Variants in D2HGDH observed in about 807,000 individuals in gnomAD.
The protein encoded by D2HGDH is D-2-hydroxyglutarate dehydrogenase, also known as D-2-hydroxyglutarate dehydrogenase, mitochondrial.
D2HGDH carries 31 observed loss-of-function variants against 46.9 expected under a neutral mutation model. That is an observed-to-expected ratio of 0.66 (90% CI 0.50 to 0.89). D2HGDH has a LOEUF of 0.89. Ranked by LOEUF, D2HGDH falls within the 40% of genes least tolerant of loss-of-function variation. D2HGDH has a pLI of 0.00. For synonymous variants in D2HGDH, 364 were observed against 332.6 expected (o/e 1.09, Z -1.03); for missense variants, 698 against 720.8 (o/e 0.97, Z 0.36).
chr2:241,765,251 TCTGC>T, intron 9 of D2HGDH, among the ~76,000 whole-genome samples: 1 of 152,260 alleles, frequency 6.6e-6, no homozygotes, highest in Admixed American at 6.5e-5. Context: ...GTGGCCGCTC[TCTGC>T]CTGGGGAGAT....
At chr2:241,735,074 A>G (rs2124990903) in intron 1 of D2HGDH, 59 bp from the exon 2 acceptor site, 1 of 858,798 alleles carries the variant, frequency 1.2e-6, no homozygotes, top group East Asian at 3.2e-5. Flanking sequence ...TGCTTCTGCA[A>G]GCGTGTTTCA....
At chr2:241,740,030 A>G (rs1020552514) in intron 2 of D2HGDH, among the ~76,000 whole-genome samples, 2 of 152,182 alleles carry the variant, frequency 1.3e-5, no homozygotes, top group African/African-American at 2.4e-5. Flanking sequence ...CTGTAGTCCC[A>G]GCTGCTTGGG....
intron 8 of D2HGDH, among the ~76,000 whole-genome samples, chr2:241,753,638 G>T (rs1236357699): frequency 3.3e-5 from 5 of 152,234 alleles, no homozygotes; most frequent in Non-Finnish European, 1.5e-5. Flanking sequence ...CCCTGCCCAG[G>T]CCCCGCTGTA....
Position 241,767,703 on chromosome 2 carries a change from C to T in D2HGDH, c.1307-7C>T. On this transcript the variant is annotated splice_region_variant and splice_polypyrimidine_tract_variant and intron_variant, in intron 9 of 9. Coordinates refer to ENST00000321264, the MANE Select transcript of D2HGDH (RefSeq NM_152783.5). ...CCAGCCTGACCCATGTGCCCTTGTCCCTCCAGGAGATGGTAACCTGCACCT... is the reference window on the plus strand; with the variant it reads ...CCAGCCTGACCCATGTGCCCTTGTCTCTCCAGGAGATGGTAACCTGCACCT... 1.2e-6 allele frequency: 2 copies of T among 1,612,652 alleles called. No individual in the cohort carries two copies. The highest frequency in any genetic ancestry group is 8.5e-7 in the Non-Finnish European group (1 of 1,179,506).
chr2:241,735,481 A>C lies in D2HGDH; in HGVS notation c.257A>C (p.Gln86Pro). The change falls in exon 2 of 10, where the codon CAG (glutamine) becomes CCG (proline). Residue 86 changes from glutamine (Q) to proline (P), a missense_variant. Coordinates refer to ENST00000321264, the MANE Select transcript of D2HGDH (RefSeq NM_152783.5). The stretch of plus-strand genomic sequence containing the variant: ...GTCGTCACGGACCCGGAAGCGCTGC[A>C]GGCTCCCAACGTGGACTGGTTGCGG... ...GGVVTDPEAL[Q>P]APNVDWLRTL... The C allele has an allele frequency of 6.2e-7, 1 of 1,608,720 alleles. No individual in the cohort carries two copies. Among genetic ancestry groups the C allele is most frequent in the Non-Finnish European group, 8.5e-7 (1 of 1,179,754 alleles).
At chr2:241,758,757 G>C (rs140576009) in intron 9 of D2HGDH, among the ~76,000 whole-genome samples, 1 of 135,726 alleles carries the variant, frequency 7.4e-6, no homozygotes, top group African/African-American at 2.7e-5. Context: ...ACCGCCCCCC[G>C]CCCCACAATA....
At position 241,740,293 on chromosome 2, in the gene D2HGDH, C is replaced by T. The variant is rs529245193; in HGVS notation, c.293-740C>T. On this transcript the variant is annotated intron_variant, in intron 2 of 9. Coordinates refer to ENST00000321264, the MANE Select transcript of D2HGDH (RefSeq NM_152783.5). Reference sequence around the variant, plus strand: ...AACAGGATGTCCACATAGTCTCAAGCGTCTGCTTGTGAGGTGCACACACAT... The same window carrying T: ...AACAGGATGTCCACATAGTCTCAAGTGTCTGCTTGTGAGGTGCACACACAT... Among the ~76,000 whole-genome samples the T allele has an allele frequency of 7.9e-5, 12 of 152,300 alleles. No individual in the cohort carries two copies. In the East Asian group the frequency reaches 1.9e-3, roughly 24 times the overall value.
chr2:241,749,780 T>G, intron 6 of D2HGDH: 1 of 356,972 alleles, frequency 2.8e-6, no homozygotes, highest in South Asian at 2.1e-5. Context: ...TCCCTCCTGA[T>G]CTGATGCTGG....
chr2:241,741,104 T>C lies in D2HGDH; in HGVS notation c.350+14T>C. 11 of 1,612,096 alleles carry C rather than the reference T, an allele frequency of 6.8e-6. No individual in the cohort carries two copies. Among genetic ancestry groups the C allele is most frequent in the Non-Finnish European group, 9.3e-6 (11 of 1,179,364 alleles). On this transcript the variant is annotated intron_variant, in intron 3 of 9. Transcript: ENST00000321264. The stretch of plus-strand genomic sequence containing the variant: ...CCACATCCTCAGGTGAGGTGGTGGC[T>C]CCCGGCTCCCCCAGCCTTCCCTGTT...
intron 9 of D2HGDH, among the ~76,000 whole-genome samples, chr2:241,763,452 T>A (rs1318387775): frequency 1.3e-5 from 2 of 151,982 alleles, no homozygotes; most frequent in African/African-American, 4.8e-5. Context: ...GGGGTGCCCA[T>A]CACGAGTGGG....
chr2:241,740,174 A>G (rs113564320), intron 2 of D2HGDH, among the ~76,000 whole-genome samples: 249 of 152,344 alleles, frequency 1.6e-3, no homozygotes, highest in African/African-American at 5.6e-3. Flanking sequence ...GTAGGTGGAC[A>G]GATGGATTTA....
intron 5 of D2HGDH, 136 bp from the exon 6 acceptor site, chr2:241,744,573 G>C (rs146989828): frequency 9.1e-7 from 1 of 1,094,386 alleles, no homozygotes; most frequent in African/African-American, 1.6e-5. Context: ...GGTGTCACTC[G>C]TACAGGAGGA....
chr2:241,746,352 T>C (rs1163321008), intron 6 of D2HGDH, among the ~76,000 whole-genome samples: 3 of 152,336 alleles, frequency 2.0e-5, no homozygotes, highest in East Asian at 1.9e-4. Flanking sequence ...CCTCCGTCCA[T>C]TGAGTTTTAC....
rs745695872 is a variant in D2HGDH at position 241,735,429 on chromosome 2, G to T, written c.205G>T (p.Ala69Ser). ...CACGGTGTCTAAGCAGGACCTGGCC[G>T]CCTTTGAGCGCATCGTGCCCGGCGG... ...FSTVSKQDLA[A>S]FERIVPGGVV... The change falls in exon 2 of 10, where the codon GCC (alanine) becomes TCC (serine). Residue 69 changes from alanine (A) to serine (S), a missense_variant. Ala to Ser is a moderately conservative substitution (Grantham distance 99). Coordinates refer to ENST00000321264, the MANE Select transcript of D2HGDH (RefSeq NM_152783.5). 1 of 1,608,312 alleles carries T rather than the reference G, an allele frequency of 6.2e-7. No individual in the cohort carries two copies. The highest frequency in any genetic ancestry group is 8.5e-7 in the Non-Finnish European group (1 of 1,179,114).
At chr2:241,747,600 A>G (rs6715894) in intron 6 of D2HGDH, among the ~76,000 whole-genome samples, 83,530 of 149,524 alleles carry the variant, frequency 0.56, 25,115 homozygotes, top group African/African-American at 0.8. Flanking sequence ...ACAAGGTCTC[A>G]CTCTGTCATC....
At chr2:241,735,637 A>G in intron 2 of D2HGDH, 121 bp downstream of exon 2, 1 of 1,384,422 alleles carries the variant, frequency 7.2e-7, no homozygotes, top group Non-Finnish European at 9.9e-7. Context: ...GGCTGCGCTG[A>G]GAGGGGCGTG....
At chr2:241,761,837 A>G (rs1478929089) in intron 9 of D2HGDH, among the ~76,000 whole-genome samples, 1 of 152,054 alleles carries the variant, frequency 6.6e-6, no homozygotes, top group Non-Finnish European at 1.5e-5. Flanking sequence ...TAGGTGACGG[A>G]ACAGCTCAGA....
intron 8 of D2HGDH, among the ~76,000 whole-genome samples, chr2:241,751,708 C>T (rs774488081): frequency 1.3e-5 from 2 of 152,244 alleles, no homozygotes; most frequent in East Asian, 1.9e-4. Context: ...GCGGCAGCTC[C>T]GCATAGAGTC....
intron 9 of D2HGDH, among the ~76,000 whole-genome samples, chr2:241,761,551 T>C (rs1698819046): frequency 6.6e-6 from 1 of 152,046 alleles, no homozygotes. Flanking sequence ...GAAAGAAAAG[T>C]ATACAGGAGG....
Sources: allele counts gnomAD v4.1 joint callset (sites outside exome capture counted in the v4.1 genomes callset), GRCh38; gene constraint gnomAD v4.1.1; transcripts MANE v1.5; gene names NCBI Gene and HGNC (gene_info 2026-07-23, HGNC 2026-07-21).